MRE11: variants seen among roughly 807,000 people sequenced by gnomAD.
The protein encoded by MRE11 is double-strand break repair protein MRE11.
MRE11 carries 62 observed loss-of-function variants against 91.7 expected under a neutral mutation model. The ratio of observed to expected loss-of-function variants is 0.68; its 90% CI spans 0.55 to 0.84. The LOEUF (loss-of-function observed/expected upper bound fraction) is 0.84, where lower values mean the gene tolerates loss of function less well. MRE11 is among the 40% of genes least tolerant of loss of function. MRE11 has a pLI of 0.00. For missense variants in MRE11, 796 were observed against 852.9 expected, an observed-to-expected ratio of 0.93 and a Z score of 0.83; for synonymous variants, 273 against 271.4, an observed-to-expected ratio of 1.01 and a Z score of -0.06.
In MRE11 at chr11:94,479,170, T is replaced by C. The variant is rs13447611; in HGVS notation, c.403-294A>G. Among the ~76,000 whole-genome samples, 331 of 152,310 alleles carry C rather than the reference T, an allele frequency of 2.2e-3. 1 individual carries two copies. Among genetic ancestry groups the C allele is most frequent in the Non-Finnish European group, 3.5e-3 (235 of 68,008 alleles). On this transcript the variant is annotated intron_variant, in intron 5 of 19. Coordinates refer to ENST00000323929, the MANE Select transcript of MRE11 (RefSeq NM_005591.4). ...TAGCCATGAGATAAATGCTTTGTAA[T>C]ATTAAGCAACCGTCTTAAAGCCTGG...
In MRE11 at chr11:94,459,551, CTCTT is replaced by C. The variant is rs1946360604; in HGVS notation, c.1353_1356del (p.Arg452GlyfsTer21). ...AATTCTTGTACTGCTTCACCCATCC[CTCTT>C]TCTGTTAGCAGTGAGAGCTGCACAT... On this transcript the variant is annotated frameshift_variant, in exon 13 of 20. Transcript: ENST00000323929. LOFTEE classifies it high-confidence loss of function. The C allele has an allele frequency of 6.2e-7, 1 of 1,613,950 alleles. No individual in the cohort carries two copies.
intron 7 of MRE11, chr11:94,472,875 T>A (rs1427947004): frequency 1.3e-5 from 2 of 152,066 alleles, no homozygotes; most frequent in Non-Finnish European, 2.9e-5. Context: ...ATACTCAATC[T>A]CTAATACAAG....
chr11:94,498,665 T>C (rs1947452212), upstream of MRE11: 2 of 744,620 alleles, frequency 2.7e-6, no homozygotes, highest in Admixed American at 3.0e-5. Flanking sequence ...TTCTTCCAAG[T>C]GAATTGCCTG....
chr11:94,487,105 A>G (rs1947160929), intron 3 of MRE11, among the ~76,000 whole-genome samples: 1 of 152,196 alleles, frequency 6.6e-6, no homozygotes, highest in African/African-American at 2.4e-5. Context: ...AACCAAATGA[A>G]AAACATACTG....
intron 1 of MRE11, among the ~76,000 whole-genome samples, chr11:94,493,163 A>C (rs919572719): frequency 1.3e-5 from 2 of 152,166 alleles, no homozygotes; most frequent in Non-Finnish European, 2.9e-5. Context: ...TCTTATGGGA[A>C]ATTAATGTAT....
intron 6 of MRE11, among the ~76,000 whole-genome samples, chr11:94,476,947 G>A (rs138888788): frequency 2.6e-5 from 4 of 151,824 alleles, no homozygotes; most frequent in African/African-American, 7.3e-5. Context: ...CTTGAACTCC[G>A]GACCTCAAGT....
intron 10 of MRE11, among the ~76,000 whole-genome samples, chr11:94,467,131 G>C (rs1056889861): frequency 6.6e-6 from 1 of 152,192 alleles, no homozygotes; most frequent in Admixed American, 6.5e-5. Context: ...AGTTAAGAGA[G>C]ATATAGGTTA....
chr11:94,447,372 C>T lies in MRE11; in HGVS notation c.1630G>A (p.Asp544Asn). The T allele has an allele frequency of 6.2e-7, 1 of 1,614,164 alleles. No homozygotes were observed. The highest frequency in any genetic ancestry group is 8.5e-7 in the Non-Finnish European group (1 of 1,180,016). ...TCTGCTAAATCTATACTCATAAGGT[C>T]ATCAGCACTAAAGGCAGAAGCAGAC... ...EESASAFSAD[D>N]LMSIDLAEQM... Residue 544 changes from aspartate (D) to asparagine (N), a missense_variant, in exon 15 of 20, where the codon GAC becomes AAC. Transcript: ENST00000323929.
intron 18 of MRE11, among the ~76,000 whole-genome samples, chr11:94,434,353 G>A (rs937634777): frequency 1.3e-5 from 2 of 152,112 alleles, no homozygotes; most frequent in African/African-American, 4.8e-5. Context: ...AGGGGATAGA[G>A]TGGGATGAAA....
intron 14 of MRE11, 60 bp downstream of exon 14, chr11:94,456,216 T>C (rs1270262446): frequency 3.4e-6 from 5 of 1,491,220 alleles, no homozygotes; most frequent in Non-Finnish European, 1.9e-6. Context: ...CTAAACCTAC[T>C]GGTTATTCTA....
chr11:94,461,828 C>G (rs1302472145), intron 11 of MRE11, among the ~76,000 whole-genome samples: 1 of 152,202 alleles, frequency 6.6e-6, no homozygotes, highest in Non-Finnish European at 1.5e-5. Flanking sequence ...GTAATCCCAG[C>G]ACTTTGAGAG....
At chr11:94,497,047 T>G (rs1271347609), upstream of MRE11, 1 of 1,518,192 alleles carries the variant, frequency 6.6e-7, no homozygotes, top group South Asian at 1.1e-5. Flanking sequence ...ATCATACCTA[T>G]CTCTTGATTG....
Position 94,445,412 on chromosome 11 carries a change from TG to T in MRE11, c.1867+397del, listed in dbSNP as rs200829430. 3.0e-4 allele frequency among the ~76,000 whole-genome samples: 46 copies of T among 152,322 alleles called. No individual in the cohort carries two copies. The East Asian group carries it at 8.5e-3, about 28-fold the overall frequency. The stretch of plus-strand genomic sequence containing the variant: ...GCAACCTCCAGTTCCTGGGTTCAAG[TG>T]ATTCTCCTGCCTCAGCCTCCCAAGT... On this transcript the variant is annotated intron_variant, in intron 16 of 19. Transcript: ENST00000323929.
At chr11:94,438,450 T>C (rs1281791403) in intron 16 of MRE11, among the ~76,000 whole-genome samples, 1 of 152,220 alleles carries the variant, frequency 6.6e-6, no homozygotes, top group East Asian at 1.9e-4. Context: ...AGTGTTCTTA[T>C]CTGCTTTACT....
Position 94,418,597 on chromosome 11 carries a change from G to A in MRE11, c.*1528C>T, listed in dbSNP as rs999030057. 8.6e-6 allele frequency: 2 copies of A among 232,270 alleles called. No homozygotes were observed. Among genetic ancestry groups the A allele is most frequent in the African/African-American group, 2.2e-5 (1 of 45,266 alleles). The allele number at this position is 232,270 out of a possible 1,614,324, so 14.4% of individuals were successfully genotyped here. ...CATCATCCAGACACTGCCTCCCCTG[G>A]TAGCTTCCATTACATCATGGACAGC... On this transcript the variant is annotated 3_prime_UTR_variant, in exon 20 of 20. Transcript: ENST00000323929.
intron 19 of MRE11, among the ~76,000 whole-genome samples, chr11:94,422,316 ACGC>A (rs1945191514): frequency 6.6e-6 from 1 of 152,108 alleles, no homozygotes; most frequent in South Asian, 2.1e-4. Context: ...ATGGTTGCAG[ACGC>A]GATCTGGAAC....
At chr11:94,512,180 G>A in the MRE11 span, among the ~76,000 whole-genome samples, 1 of 152,148 alleles carries the variant, frequency 6.6e-6, no homozygotes, top group Admixed American at 6.5e-5. Context: ...CATTCCAACG[G>A]TGCCGCTTCC....
rs201276188 is a variant in MRE11 at position 94,471,742 on chromosome 11, G to A, written c.677C>T (p.Thr226Ile). Residue 226 changes from threonine (T) to isoleucine (I), a missense_variant, in exon 8 of 20, where the codon ACT becomes ATT. Transcript: ENST00000323929. ...CAAAAATTGTTCTGGAATGAAGTTAGTACTTCCATGTTTACTCCTGTATCA... is the reference window on the plus strand; with the variant it reads ...CAAAAATTGTTCTGGAATGAAGTTAATACTTCCATGTTTACTCCTGTATCA... Reference protein sequence around the residue: ...IHQNRSKHGSTNFIPEQFLDD... With the variant: ...IHQNRSKHGSINFIPEQFLDD... The A allele has an allele frequency of 3.7e-6, 6 of 1,611,338 alleles. No homozygotes were observed. The highest frequency in any genetic ancestry group is 5.1e-6 in the Non-Finnish European group (6 of 1,178,402).
chr11:94,508,003 G>A, the MRE11 span, among the ~76,000 whole-genome samples: 1 of 152,074 alleles, frequency 6.6e-6, no homozygotes, highest in Non-Finnish European at 1.5e-5. Flanking sequence ...AGGGTCTTGT[G>A]CTGTTGCCCA....
Sources: allele counts gnomAD v4.1 joint callset (sites outside exome capture counted in the v4.1 genomes callset), GRCh38; gene constraint gnomAD v4.1.1; transcripts MANE v1.5; gene names NCBI Gene and HGNC (gene_info 2026-07-23, HGNC 2026-07-21).